The following UBASH3B variants were observed in gnomAD, a reference collection of about 807,000 sequenced individuals.
UBASH3B encodes ubiquitin-associated and SH3 domain-containing protein B.
Under a neutral mutation model 83.4 loss-of-function variants are expected in UBASH3B, and 37 were observed. The ratio of observed to expected loss-of-function variants is 0.44; its 90% CI spans 0.34 to 0.58. The LOEUF is 0.58. Among genes scored for constraint, UBASH3B ranks in the 20% least tolerant of loss-of-function variants. The probability of loss-of-function intolerance (pLI) is 0.01; values close to 1 mark genes in which losing one functional copy is unlikely to be tolerated. For missense variants in UBASH3B, 657 were observed against 827.2 expected, an observed-to-expected ratio of 0.79 and a Z score of 2.52; for synonymous variants, 304 against 318.3, an observed-to-expected ratio of 0.96 and a Z score of 0.48.
intron 11 of UBASH3B, among the ~76,000 whole-genome samples, chr11:122,804,044 C>T (rs1472226544): frequency 6.6e-6 from 1 of 152,088 alleles, no homozygotes; most frequent in Non-Finnish European, 1.5e-5. Context: ...CTGATCAGGA[C>T]GAACCAGATC....
At chr11:122,777,808 C>A (rs1860765477) in intron 3 of UBASH3B, among the ~76,000 whole-genome samples, 1 of 152,172 alleles carries the variant, frequency 6.6e-6, no homozygotes, top group African/African-American at 2.4e-5. Context: ...CGGCTCACTG[C>A]AACCTCCACC....
chr11:122,688,359 A>G (rs34122353), intron 1 of UBASH3B, among the ~76,000 whole-genome samples: 8,855 of 148,724 alleles, frequency 0.06, 322 homozygotes, highest in African/African-American at 0.097. Context: ...CGCCTCCCTG[A>G]TTCAAGCAAT....
At chr11:122,705,143 T>C (rs1864098391) in intron 1 of UBASH3B, among the ~76,000 whole-genome samples, 1 of 152,006 alleles carries the variant, frequency 6.6e-6, no homozygotes, top group Non-Finnish European at 1.5e-5. Context: ...AGCTTTGAGG[T>C]TGCAGCTAAA....
At chr11:122,700,525 C>T (rs1443372474) in intron 1 of UBASH3B, among the ~76,000 whole-genome samples, 4 of 111,970 alleles carry the variant, frequency 3.6e-5, no homozygotes, top group African/African-American at 1.4e-4. Flanking sequence ...GAGATGGAGT[C>T]TCGCTCTGTC....
At chr11:122,772,526 A>G (rs959833011) in intron 1 of UBASH3B, among the ~76,000 whole-genome samples, 5 of 152,172 alleles carry the variant, frequency 3.3e-5, no homozygotes, top group Non-Finnish European at 7.4e-5. Context: ...GGAGGGAGGG[A>G]AAGCAGAAAG....
At position 122,772,948 on chromosome 11, in the gene UBASH3B, C is replaced by T. The variant is rs144597643; in HGVS notation, c.162-3271C>T. Among the ~76,000 whole-genome samples, 152 of 152,370 alleles carry T rather than the reference C, an allele frequency of 1.0e-3. No individual in the cohort carries two copies. The Middle Eastern group carries it at 0.01, about 10-fold the overall frequency. ...AGGTTCACACATGACAAAACTTCAA[C>T]AATTCACATTTCACCAGTTCTAAAC... On this transcript the variant is annotated intron_variant, in intron 1 of 13. Coordinates refer to ENST00000284273, the MANE Select transcript of UBASH3B (RefSeq NM_032873.5).
chr11:122,810,708 G>A lies in UBASH3B; in HGVS notation c.*822G>A, dbSNP rs865877783. 3.3e-5 allele frequency: 5 copies of A among 152,456 alleles called. No individual in the cohort carries two copies. Among genetic ancestry groups the A allele is most frequent in the Admixed American group, 1.3e-4 (2 of 15,276 alleles). 9.4% of individuals were successfully genotyped at this position (152,456 alleles called of 1,614,324 possible). ...GGAATTAACCATGTTGTAGCCTAAC[G>A]TGCTACTGCATTTCTAAATCATCAA... On this transcript the variant is annotated 3_prime_UTR_variant, in exon 14 of 14. Coordinates refer to ENST00000284273, the MANE Select transcript of UBASH3B (RefSeq NM_032873.5).
intron 1 of UBASH3B, among the ~76,000 whole-genome samples, chr11:122,696,594 A>G (rs1863968594): frequency 1.3e-5 from 2 of 152,288 alleles, no homozygotes; most frequent in South Asian, 4.1e-4. Context: ...GGAGTGAGCC[A>G]CTGCACCCAA....
intron 11 of UBASH3B, among the ~76,000 whole-genome samples, chr11:122,803,881 C>T (rs1861296134): frequency 6.6e-6 from 1 of 152,022 alleles, no homozygotes; most frequent in African/African-American, 2.4e-5. Flanking sequence ...ACTCTGAGGA[C>T]AGTACAGGGC....
intron 1 of UBASH3B, among the ~76,000 whole-genome samples, chr11:122,717,830 C>T (rs543705733): frequency 3.2e-4 from 49 of 152,220 alleles, no homozygotes; most frequent in African/African-American, 1.2e-3. Context: ...GTCCCCCACC[C>T]CCCATGACAC....
intron 1 of UBASH3B, among the ~76,000 whole-genome samples, chr11:122,673,405 T>G (rs762420061): frequency 6.6e-6 from 1 of 152,084 alleles, no homozygotes; most frequent in Non-Finnish European, 1.5e-5. Context: ...TCCTAGCACT[T>G]TGGGAGGCTG....
chr11:122,693,757 T>A (rs537708985), intron 1 of UBASH3B, among the ~76,000 whole-genome samples: 68 of 152,092 alleles, frequency 4.5e-4, no homozygotes, highest in African/African-American at 1.5e-3. Context: ...CCTGTAATCC[T>A]AACTACTGAG....
At chr11:122,679,579 A>G (rs1863712473) in intron 1 of UBASH3B, among the ~76,000 whole-genome samples, 1 of 152,190 alleles carries the variant, frequency 6.6e-6, no homozygotes, top group African/African-American at 2.4e-5. Flanking sequence ...AGTCTGGGAC[A>G]CCTTGATCTC....
intron 1 of UBASH3B, among the ~76,000 whole-genome samples, chr11:122,742,376 G>A (rs755729102): frequency 3.3e-5 from 5 of 152,226 alleles, no homozygotes; most frequent in Non-Finnish European, 7.3e-5. Flanking sequence ...GGCTTCCCCT[G>A]AGTCTAACCC....
At chr11:122,732,638 G>A (rs1015577918) in intron 1 of UBASH3B, among the ~76,000 whole-genome samples, 1 of 152,146 alleles carries the variant, frequency 6.6e-6, no homozygotes, top group African/African-American at 2.4e-5. Flanking sequence ...TATTTCCTGT[G>A]TTTATAATGG....
At position 122,656,117 on chromosome 11, in the gene UBASH3B, C is replaced by A. The variant is rs767570158; in HGVS notation, c.68C>A (p.Thr23Asn). ...AGAGAGGAGCTGTACAGCAAAGTCA[C>A]CCCCCGGAGGAACCGCCAACAGCGC... Reference protein sequence around the residue: ...AAREELYSKVTPRRNRQQRPG... With the variant: ...AAREELYSKVNPRRNRQQRPG... Residue 23 changes from threonine (T) to asparagine (N), a missense_variant, in exon 1 of 14, where the codon ACC becomes AAC. This residue lies in a region of UBASH3B where 78 missense variants were observed against 68.4 expected (regional missense o/e 1.14). Transcript: ENST00000284273. The A allele has an allele frequency of 1.3e-6, 2 of 1,599,338 alleles. No homozygotes were observed. The highest frequency in any genetic ancestry group is 1.7e-6 in the Non-Finnish European group (2 of 1,174,270).
intron 12 of UBASH3B, among the ~76,000 whole-genome samples, 194 bp from the exon 13 acceptor site, chr11:122,807,873 T>C (rs1861368542): frequency 6.6e-6 from 1 of 152,208 alleles, no homozygotes; most frequent in African/African-American, 2.4e-5. Context: ...CTGTAACTAT[T>C]TTAAGATAAA....
At chr11:122,728,798 T>C (rs1894080) in intron 1 of UBASH3B, among the ~76,000 whole-genome samples, 48,842 of 152,096 alleles carry the variant, frequency 0.32, 9,001 homozygotes, top group Middle Eastern at 0.48. Context: ...TGTGTACTTC[T>C]AACATCTAGC....
intron 1 of UBASH3B, among the ~76,000 whole-genome samples, chr11:122,683,356 T>C (rs1863767149): frequency 6.6e-6 from 1 of 152,012 alleles, no homozygotes; most frequent in Non-Finnish European, 1.5e-5. Context: ...GGCTCATACC[T>C]GTAATCCCAG....
Sources: gnomAD v4.1 joint callset for allele counts (sites outside exome capture counted in the v4.1 genomes callset) on GRCh38, gnomAD v4.1.1 for gene constraint, gnomAD v4.1.1 regional missense constraint, MANE v1.5 for transcripts, NCBI Gene and HGNC (gene_info 2026-07-23, HGNC 2026-07-21) for gene names.